MDFIC2: variants seen among roughly 807,000 people sequenced by gnomAD.
MDFIC2 encodes the protein myoD family inhibitor domain-containing protein 2.
intron 2 of MDFIC2, among the ~76,000 whole-genome samples, chr3:70,234,911 A>G (rs926613730): frequency 6.6e-6 from 1 of 152,126 alleles, no homozygotes; most frequent in African/African-American, 2.4e-5. Context: ...GGACATCTTC[A>G]GCCTGAAGAA....
chr3:70,267,971 C>T (rs1032811793), intron 2 of MDFIC2, among the ~76,000 whole-genome samples: 1 of 151,114 alleles, frequency 6.6e-6, no homozygotes, highest in African/African-American at 2.4e-5. Context: ...TTCCTTTCGC[C>T]TCCCCTTTCG....
intron 2 of MDFIC2, among the ~76,000 whole-genome samples, chr3:70,290,640 C>G (rs1337766549): frequency 6.6e-6 from 1 of 152,206 alleles, no homozygotes; most frequent in African/African-American, 2.4e-5. Context: ...TGGGCAATGG[C>G]GGGCGCCCCT....
intron 2 of MDFIC2, among the ~76,000 whole-genome samples, chr3:70,264,237 CTCTTGACCTT>C (rs1701893941): frequency 1.3e-5 from 2 of 152,200 alleles, no homozygotes; most frequent in Non-Finnish European, 2.9e-5. Flanking sequence ...CTCTTGACCT[CTCTTGACCTT>C]AAAAAGGCCT....
intron 2 of MDFIC2, among the ~76,000 whole-genome samples, chr3:70,287,919 T>C (rs1168835749): frequency 1.3e-5 from 2 of 152,332 alleles, no homozygotes; most frequent in East Asian, 3.9e-4. Flanking sequence ...CTTTATCATT[T>C]TTTATTGCGT....
At chr3:70,275,566 C>A (rs533109180) in intron 2 of MDFIC2, among the ~76,000 whole-genome samples, 1 of 152,184 alleles carries the variant, frequency 6.6e-6, no homozygotes, top group East Asian at 1.9e-4. Flanking sequence ...GAATTCAGTC[C>A]TTGGGACTGC....
chr3:70,252,887 G>A (rs1207363258), intron 2 of MDFIC2, among the ~76,000 whole-genome samples: 3 of 151,692 alleles, frequency 2.0e-5, no homozygotes, highest in East Asian at 3.9e-4. Flanking sequence ...CGAGACCAGC[G>A]TGGCCAACAT....
intron 3 of MDFIC2, among the ~76,000 whole-genome samples, chr3:70,201,051 T>C (rs1290192510): frequency 6.6e-6 from 1 of 152,176 alleles, no homozygotes; most frequent in Non-Finnish European, 1.5e-5. Flanking sequence ...TTTAAATTCT[T>C]TTTTTAACAT....
chr3:70,255,321 A>C (rs774363666), intron 2 of MDFIC2, among the ~76,000 whole-genome samples: 2 of 152,244 alleles, frequency 1.3e-5, no homozygotes, highest in Non-Finnish European at 2.9e-5. Flanking sequence ...TATAGTCAGT[A>C]AAAGTGCAGA....
chr3:70,263,329 A>T (rs534619630), intron 2 of MDFIC2, among the ~76,000 whole-genome samples: 1 of 152,296 alleles, frequency 6.6e-6, no homozygotes, highest in East Asian at 1.9e-4. Flanking sequence ...TGTTCTAGTG[A>T]CAATTGTGAT....
intron 2 of MDFIC2, among the ~76,000 whole-genome samples, chr3:70,296,951 A>G (rs1037874961): frequency 6.6e-6 from 1 of 151,858 alleles, no homozygotes; most frequent in African/African-American, 2.4e-5. Flanking sequence ...TCTCTGGTCT[A>G]GTTTATTGTC....
intron 1 of MDFIC2, 60 bp downstream of exon 1, chr3:70,312,491 T>G (rs1228413870): frequency 6.6e-6 from 1 of 152,260 alleles, no homozygotes; most frequent in Non-Finnish European, 1.5e-5. Flanking sequence ...TGCAGTGCAC[T>G]TGACTTTCAT....
At chr3:70,259,412 CT>C (rs1701845248) in intron 2 of MDFIC2, among the ~76,000 whole-genome samples, 1 of 150,922 alleles carries the variant, frequency 6.6e-6, no homozygotes, top group Non-Finnish European at 1.5e-5. Flanking sequence ...AATTTATTGA[CT>C]TTTAAAAAAA....
intron 2 of MDFIC2, among the ~76,000 whole-genome samples, chr3:70,233,713 T>C (rs1701583102): frequency 6.6e-6 from 1 of 152,216 alleles, no homozygotes; most frequent in Non-Finnish European, 1.5e-5. Context: ...TTGACTCAAC[T>C]TCTAAAATTT....
intron 2 of MDFIC2, among the ~76,000 whole-genome samples, chr3:70,218,467 C>T (rs1701434762): frequency 6.6e-6 from 1 of 152,102 alleles, no homozygotes; most frequent in Admixed American, 6.6e-5. Context: ...CAGTACTCTA[C>T]ATCCCTCTTT....
In MDFIC2 at chr3:70,196,234, T is replaced by C. The variant is rs1336873727; in HGVS notation, c.*692A>G. On this transcript the variant is annotated 3_prime_UTR_variant, in exon 4 of 4. Transcript: ENST00000567252. ...TAACGAATTAAGAATATGAATAACC[T>C]GTTATGACATAGTCATAGACATACA... Among the ~76,000 whole-genome samples the C allele has an allele frequency of 6.6e-6, 1 of 152,210 alleles. No homozygotes were observed. Among genetic ancestry groups the C allele is most frequent in the Non-Finnish European group, 1.5e-5 (1 of 68,034 alleles).
chr3:70,243,025 GT>G (rs1314219171), intron 2 of MDFIC2, among the ~76,000 whole-genome samples: 2 of 152,162 alleles, frequency 1.3e-5, no homozygotes, highest in East Asian at 3.9e-4. Flanking sequence ...TGTGACATGG[GT>G]TTTTAGCATA....
rs1326381177 is a variant in MDFIC2 at position 70,206,627 on chromosome 3, G to C, written c.252C>G (p.Cys84Trp). The change falls in exon 3 of 4, where the codon TGC (cysteine) becomes TGG (tryptophan). Residue 84 changes from cysteine to tryptophan, a missense_variant. Cys to Trp is a radical substitution (Grantham distance 215, BLOSUM62 -2). Coordinates refer to ENST00000567252, the MANE Select transcript of MDFIC2 (RefSeq NM_001364677.1). The part of the protein sequence containing the change: ...SSTSLSSLEE[C>W]QTTFSYLQTD... ...TTTGGAGGTAAGAAAATGTTGTTTG[G>C]CATTCTTCAAGGGAGGACAGTGATG... is the stretch of plus-strand genomic sequence containing the variant. 7.5e-6 allele frequency: 3 copies of C among 397,660 alleles called. No homozygotes were observed. Among genetic ancestry groups the C allele is most frequent in the Non-Finnish European group, 1.3e-5 (3 of 225,542 alleles). 24.6% of individuals were successfully genotyped at this position (397,660 alleles called of 1,614,324 possible).
chr3:70,231,172 C>T (rs558495459), intron 2 of MDFIC2, among the ~76,000 whole-genome samples: 9 of 152,280 alleles, frequency 5.9e-5, no homozygotes, highest in Admixed American at 2.6e-4. Context: ...CTGACAGGCT[C>T]CAGTCAGCAA....
At chr3:70,294,499 A>G (rs1277390930) in intron 2 of MDFIC2, among the ~76,000 whole-genome samples, 1 of 152,168 alleles carries the variant, frequency 6.6e-6, no homozygotes, top group Admixed American at 6.6e-5. Flanking sequence ...AGAGATCCCA[A>G]AAATGACTAT....
Sources: allele counts gnomAD v4.1 joint callset (sites outside exome capture counted in the v4.1 genomes callset), GRCh38; gene constraint gnomAD v4.1.1; transcripts MANE v1.5; gene names NCBI Gene and HGNC (gene_info 2026-07-23, HGNC 2026-07-21).